ETF1: variants seen among roughly 807,000 people sequenced by gnomAD.
ETF1 encodes the protein eukaryotic peptide chain release factor subunit 1.
Under a neutral mutation model 55.1 loss-of-function variants are expected in ETF1, and 4 were observed. The ratio of observed to expected loss-of-function variants is 0.07; its 90% CI spans 0.04 to 0.17. The LOEUF is 0.17. ETF1 is among the 10% of genes least tolerant of loss of function. ETF1 has a pLI of 1.00. For missense variants in ETF1, 142 were observed against 523.6 expected (o/e 0.27, Z 7.11); for synonymous variants, 157 against 182.3 (o/e 0.86, Z 1.12).
intron 2 of ETF1, chr5:138,529,561 G>GT: frequency 1.0e-6 from 1 of 983,128 alleles, no homozygotes; most frequent in Non-Finnish European, 1.2e-6. Context: ...ATACAGCAAT[G>GT]TATCCCTCAA....
At chr5:138,529,128 C>CA (rs1434224290) in intron 2 of ETF1, among the ~76,000 whole-genome samples, 137 of 151,942 alleles carry the variant, frequency 9.0e-4, no homozygotes, top group African/African-American at 3.2e-3. Flanking sequence ...GACTCCATCT[C>CA]AAAAAACAAA....
rs562910535 is a variant in ETF1, at chr5:138,517,429, A to C, written c.402+132T>G. On this transcript the variant is annotated intron_variant, in intron 4 of 10. Transcript: ENST00000360541. ...AAAATAAAAGAAGTACAGCACAAGC[A>C]TATCTATGGAAAGAAAATATAGTGG... 7 of 434,250 alleles carry C rather than the reference A, an allele frequency of 1.6e-5. No homozygotes were observed. In the South Asian group the frequency reaches 2.8e-4, roughly 17 times the overall value. 26.9% of individuals were successfully genotyped at this position (434,250 alleles called of 1,614,324 possible). A position where few individuals can be genotyped will look rare whatever the true frequency, so the allele number is the denominator to read the frequency against.
intron 9 of ETF1, 82 bp from the exon 10 acceptor site, chr5:138,508,898 A>C: frequency 6.5e-7 from 1 of 1,536,138 alleles, no homozygotes; most frequent in Non-Finnish European, 8.7e-7. Flanking sequence ...CCCCTTGCCC[A>C]CCTATCACTC....
At chr5:138,524,784 G>A (rs887442597) in intron 2 of ETF1, among the ~76,000 whole-genome samples, 2 of 151,816 alleles carry the variant, frequency 1.3e-5, no homozygotes, top group Non-Finnish European at 2.9e-5. Context: ...CACCATGTTG[G>A]CCAGGATGGT....
chr5:138,515,365 C>A (rs190994290), intron 4 of ETF1, among the ~76,000 whole-genome samples: 102 of 152,182 alleles, frequency 6.7e-4, no homozygotes, highest in African/African-American at 2.4e-3. Context: ...GTGGAAGTTG[C>A]AAGGAGCCGA....
At chr5:138,510,666 T>A (rs1166828821) in intron 8 of ETF1, 37 bp from the exon 9 acceptor site, 3 of 1,611,320 alleles carry the variant, frequency 1.9e-6, no homozygotes, top group Non-Finnish European at 2.5e-6. Context: ...TTAACCTGGC[T>A]CTCATATACT....
chr5:138,542,232 A>T (rs1171748495), intron 2 of ETF1, among the ~76,000 whole-genome samples: 1 of 152,200 alleles, frequency 6.6e-6, no homozygotes, highest in African/African-American at 2.4e-5. Flanking sequence ...GTCCTGGAAC[A>T]GCTAAAACCA....
chr5:138,517,308 T>C (rs1358411053), intron 4 of ETF1, among the ~76,000 whole-genome samples: 2 of 151,388 alleles, frequency 1.3e-5, no homozygotes, highest in African/African-American at 2.4e-5. Flanking sequence ...GAGGCGGAGC[T>C]TGCAGTGAGC....
At position 138,506,311 on chromosome 5, in the gene ETF1, A is replaced by G. The variant is rs531121778; in HGVS notation, c.*1994T>C. ...CAATATATATCACCGAAGAGAACACATTGATTAAAGAAATACAAAAATTTG... is the reference window on the plus strand; with the variant it reads ...CAATATATATCACCGAAGAGAACACGTTGATTAAAGAAATACAAAAATTTG... On this transcript the variant is annotated 3_prime_UTR_variant, in exon 11 of 11. Coordinates refer to ENST00000360541, the MANE Select transcript of ETF1 (RefSeq NM_004730.4). 6.5e-6 allele frequency: 1 copy of G among 152,812 alleles called. No individual in the cohort carries two copies. The highest frequency in any genetic ancestry group is 2.1e-4 in the South Asian group (1 of 4,830). 9.5% of individuals were successfully genotyped at this position (152,812 alleles called of 1,614,324 possible). A position where few individuals can be genotyped will look rare whatever the true frequency, so the allele number is the denominator to read the frequency against.
Position 138,508,285 on chromosome 5 carries a change from G to C in ETF1, c.*20C>G, listed in dbSNP as rs1764629905. ...GATGCTGGAGGGTGAGGCACGTTTT[G>C]CCGGACCCATGTCGACTACCTAGTA... On this transcript the variant is annotated 3_prime_UTR_variant, in exon 11 of 11. Transcript: ENST00000360541. 1 of 1,610,538 alleles carries C rather than the reference G, an allele frequency of 6.2e-7. No homozygotes were observed. Among genetic ancestry groups the C allele is most frequent in the African/African-American group, 1.3e-5 (1 of 74,838 alleles).
At chr5:138,532,027 C>A (rs1046235978) in intron 2 of ETF1, among the ~76,000 whole-genome samples, 13 of 151,112 alleles carry the variant, frequency 8.6e-5, no homozygotes, top group African/African-American at 2.9e-4. Context: ...ACTTGGGCGA[C>A]AGAGCGAGAC....
At chr5:138,517,111 C>T (rs1193746379) in intron 4 of ETF1, among the ~76,000 whole-genome samples, 1 of 152,166 alleles carries the variant, frequency 6.6e-6, no homozygotes, top group African/African-American at 2.4e-5. Flanking sequence ...TTGCTCATGC[C>T]TGTAATCCTA....
chr5:138,532,895 A>G (rs2127120698), intron 2 of ETF1, among the ~76,000 whole-genome samples: 1 of 152,202 alleles, frequency 6.6e-6, no homozygotes, highest in Middle Eastern at 3.4e-3. Flanking sequence ...CTCTTCCACC[A>G]AGTATCAAAC....
intron 2 of ETF1, 24 bp from the exon 3 acceptor site, chr5:138,518,891 T>C: frequency 1.2e-6 from 2 of 1,608,868 alleles, no homozygotes; most frequent in East Asian, 2.2e-5. Context: ...AATAACTCAT[T>C]AGGGATTTAA....
intron 2 of ETF1, chr5:138,542,519 CT>C: frequency 3.5e-6 from 3 of 859,800 alleles, no homozygotes; most frequent in South Asian, 4.3e-5. Flanking sequence ...GTGGCAGCAC[CT>C]GGAGCCCGAA....
chr5:138,525,470 T>TGAG (rs1561839016), intron 2 of ETF1, among the ~76,000 whole-genome samples: 1 of 151,906 alleles, frequency 6.6e-6, no homozygotes, highest in African/African-American at 2.4e-5. Flanking sequence ...AATAATTTTA[T>TGAG]GAGAACAAGC....
rs192110484 is a variant in ETF1, at chr5:138,507,405, C to T, written c.*900G>A. The stretch of plus-strand genomic sequence containing the variant: ...CCACCTCCCTTTTAACAAGGATTGA[C>T]CCAAGCAAAATAAAATCCTCTTTAA... On this transcript the variant is annotated 3_prime_UTR_variant, in exon 11 of 11. Transcript: ENST00000360541. 5 of 152,736 alleles carry T rather than the reference C, an allele frequency of 3.3e-5. No homozygotes were observed. The East Asian group carries it at 9.6e-4, about 29-fold the overall frequency. The allele number at this position is 152,736 out of a possible 1,614,324, so 9.5% of individuals were successfully genotyped here. A position where few individuals can be genotyped will look rare whatever the true frequency, so the allele number is the denominator to read the frequency against.
Position 138,543,136 on chromosome 5 carries a change from C to T in ETF1, c.-58G>A. The T allele has an allele frequency of 6.9e-6, 4 of 580,996 alleles. No individual in the cohort carries two copies. The highest frequency in any genetic ancestry group is 6.6e-5 in the South Asian group (3 of 45,208). 36.0% of individuals were successfully genotyped at this position (580,996 alleles called of 1,614,324 possible). Reference sequence around the variant, plus strand: ...CTGGGCGGCAGCGGCTGCTCCTCCCCGGCGGCGGCTCCGCGGCGGCGGCGG... The same window carrying T: ...CTGGGCGGCAGCGGCTGCTCCTCCCTGGCGGCGGCTCCGCGGCGGCGGCGG... On this transcript the variant is annotated 5_prime_UTR_variant, in exon 1 of 11. Transcript: ENST00000360541.
intron 2 of ETF1, among the ~76,000 whole-genome samples, chr5:138,537,107 G>A (rs1048135676): frequency 2.0e-5 from 3 of 152,208 alleles, no homozygotes; most frequent in African/African-American, 7.2e-5. Context: ...TACAACGGCT[G>A]TTAGGACTAG....
Sources: gnomAD v4.1 joint callset for allele counts (sites outside exome capture counted in the v4.1 genomes callset) on GRCh38, gnomAD v4.1.1 for gene constraint, MANE v1.5 for transcripts, NCBI Gene and HGNC (gene_info 2026-07-23, HGNC 2026-07-21) for gene names.